The following MYO3B variants were observed in gnomAD, a reference collection of about 807,000 sequenced individuals.
The protein encoded by MYO3B is myosin IIIB, also known as myosin-IIIb.
A neutral mutation model predicts 174.6 loss-of-function variants in MYO3B; 156 were observed. That is an observed-to-expected ratio of 0.89 (90% CI 0.78 to 1.02). The LOEUF (loss-of-function observed/expected upper bound fraction) is 1.02, where lower values mean the gene tolerates loss of function less well. Among genes scored for constraint, MYO3B ranks in the 50% least tolerant of loss-of-function variants. The pLI is 0.00. For missense variants in MYO3B, 1,632 were observed against 1,639.4 expected, an observed-to-expected ratio of 1.00 and a Z score of 0.08; for synonymous variants, 563 against 569.1, an observed-to-expected ratio of 0.99 and a Z score of 0.15.
intron 32 of MYO3B, among the ~76,000 whole-genome samples, chr2:170,625,910 T>C (rs538933278): frequency 6.6e-6 from 1 of 152,360 alleles, no homozygotes; most frequent in African/African-American, 2.4e-5. Context: ...TGCACTGTGG[T>C]CTGAGAGACA....
chr2:170,245,582 G>A (rs978610328), intron 7 of MYO3B, among the ~76,000 whole-genome samples: 5 of 152,180 alleles, frequency 3.3e-5, no homozygotes, highest in African/African-American at 9.7e-5. Flanking sequence ...TTCTGCTCCT[G>A]CTCTGTTACT....
intron 8 of MYO3B, chr2:170,344,817 A>G (rs1046266529): frequency 2.0e-5 from 3 of 152,212 alleles, no homozygotes; most frequent in African/African-American, 7.2e-5. Context: ...TGCCATCCAA[A>G]GAAATGTAAG....
chr2:170,349,078 T>C (rs1001890916), intron 8 of MYO3B, among the ~76,000 whole-genome samples: 2 of 152,186 alleles, frequency 1.3e-5, no homozygotes, highest in South Asian at 4.1e-4. Context: ...GTCTTCCCAG[T>C]GCTTACAGGG....
At chr2:170,212,574 C>T (rs2092783397) in intron 3 of MYO3B, among the ~76,000 whole-genome samples, 1 of 152,000 alleles carries the variant, frequency 6.6e-6, no homozygotes, top group African/African-American at 2.4e-5. Context: ...GTCACTTGAC[C>T]AGGAAAGATT....
At chr2:170,637,995 C>T (rs1008516342) in intron 32 of MYO3B, among the ~76,000 whole-genome samples, 1 of 152,006 alleles carries the variant, frequency 6.6e-6, no homozygotes, top group Non-Finnish European at 1.5e-5. Flanking sequence ...TTCATTTTTA[C>T]ATCTTATTAA....
chr2:170,591,653 A>G (rs914424336), intron 32 of MYO3B, among the ~76,000 whole-genome samples: 5 of 152,176 alleles, frequency 3.3e-5, no homozygotes, highest in Non-Finnish European at 5.9e-5. Context: ...TTTAGAATTA[A>G]AAAGGATTTT....
At chr2:170,546,174 C>T (rs1690469239) in intron 32 of MYO3B, among the ~76,000 whole-genome samples, 1 of 152,126 alleles carries the variant, frequency 6.6e-6, no homozygotes, top group Non-Finnish European at 1.5e-5. Flanking sequence ...CTTCAAGGTC[C>T]ACAATGGCTC....
chr2:170,610,209 G>A (rs540714833), intron 32 of MYO3B, among the ~76,000 whole-genome samples: 52 of 151,828 alleles, frequency 3.4e-4, no homozygotes, highest in Non-Finnish European at 5.9e-4. Flanking sequence ...GCATGGTGGC[G>A]GGCACTTGTT....
intron 9 of MYO3B, among the ~76,000 whole-genome samples, chr2:170,371,020 C>G (rs1377859229): frequency 6.6e-6 from 1 of 151,648 alleles, no homozygotes; most frequent in Non-Finnish European, 1.5e-5. Flanking sequence ...AGTTTGAGAA[C>G]AGCCTGGCCA....
At chr2:170,370,680 C>T (rs1360696569) in intron 9 of MYO3B, among the ~76,000 whole-genome samples, 1 of 147,096 alleles carries the variant, frequency 6.8e-6, no homozygotes, top group Non-Finnish European at 1.5e-5. Flanking sequence ...CACACAGCAC[C>T]ACCACCACCA....
intron 22 of MYO3B, among the ~76,000 whole-genome samples, chr2:170,439,062 C>A (rs1163937426): frequency 6.7e-6 from 1 of 148,818 alleles, no homozygotes; most frequent in Non-Finnish European, 1.5e-5. Flanking sequence ...GTAGTCAAGT[C>A]CATATTTAAA....
In MYO3B at chr2:170,381,999, T is replaced by C; in HGVS notation, c.972-17T>C. On this transcript the variant is annotated splice_polypyrimidine_tract_variant and intron_variant, in intron 9 of 34. Transcript: ENST00000408978. The stretch of plus-strand genomic sequence containing the variant: ...ATTTGCTGTCTTAATGCTTAAACTC[T>C]CTTGATAAATTTCTAGGCATGAGAG... 1 of 1,605,640 alleles carries C rather than the reference T, an allele frequency of 6.2e-7. No individual in the cohort carries two copies. Among genetic ancestry groups the C allele is most frequent in the Non-Finnish European group, 8.5e-7 (1 of 1,172,954 alleles).
chr2:170,351,473 A>G (rs906514734), intron 8 of MYO3B, among the ~76,000 whole-genome samples: 5 of 152,150 alleles, frequency 3.3e-5, no homozygotes, highest in African/African-American at 1.2e-4. Flanking sequence ...ATAAGCAGCC[A>G]GGCCTGTGGC....
At chr2:170,364,315 C>T (rs2094182919) in intron 8 of MYO3B, among the ~76,000 whole-genome samples, 2 of 152,136 alleles carry the variant, frequency 1.3e-5, no homozygotes, top group African/African-American at 2.4e-5. Context: ...CTTGTAAGAA[C>T]CTTTAATAGG....
intron 32 of MYO3B, among the ~76,000 whole-genome samples, chr2:170,632,164 A>G (rs1266110253): frequency 1.3e-5 from 2 of 152,204 alleles, no homozygotes; most frequent in South Asian, 2.1e-4. Context: ...CTCCACCCCA[A>G]ATCAACAGAA....
chr2:170,524,387 T>C, intron 30 of MYO3B: 1 of 366,364 alleles, frequency 2.7e-6, no homozygotes, highest in Non-Finnish European at 5.4e-6. Flanking sequence ...GAATAAATGG[T>C]GGGTCTGGGC....
chr2:170,308,621 A>G (rs2093716823), intron 7 of MYO3B, among the ~76,000 whole-genome samples: 1 of 152,134 alleles, frequency 6.6e-6, no homozygotes, highest in African/African-American at 2.4e-5. Context: ...GGCTGGCTTC[A>G]TATACTCATG....
intron 7 of MYO3B, among the ~76,000 whole-genome samples, chr2:170,280,179 A>T (rs1056754569): frequency 6.6e-6 from 1 of 152,106 alleles, no homozygotes; most frequent in Non-Finnish European, 1.5e-5. Flanking sequence ...ATGGTATCAC[A>T]TTGTGGTTTT....
At chr2:170,600,084 G>A (rs1694415438) in intron 32 of MYO3B, among the ~76,000 whole-genome samples, 1 of 151,616 alleles carries the variant, frequency 6.6e-6, no homozygotes, top group Admixed American at 6.6e-5. Flanking sequence ...TGGTCCACTG[G>A]ATGTAAACAA....
Sources: gnomAD v4.1 joint callset for allele counts (sites outside exome capture counted in the v4.1 genomes callset) on GRCh38, gnomAD v4.1.1 for gene constraint, MANE v1.5 for transcripts, NCBI Gene and HGNC (gene_info 2026-07-23, HGNC 2026-07-21) for gene names.